ARID4A: variants seen among roughly 807,000 people sequenced by gnomAD.
The protein encoded by ARID4A is AT-rich interactive domain-containing protein 4A.
ARID4A carries 39 observed loss-of-function variants against 148.6 expected under a neutral mutation model. That is an observed-to-expected ratio of 0.26 (90% CI 0.20 to 0.34). ARID4A has a LOEUF of 0.34. ARID4A is among the 10% of genes least tolerant of loss of function. ARID4A has a pLI of 1.00. For missense variants in ARID4A, 1,265 were observed against 1,449.1 expected, an observed-to-expected ratio of 0.87 and a Z score of 2.06; for synonymous variants, 475 against 481.2, an observed-to-expected ratio of 0.99 and a Z score of 0.17.
chr14:58,326,292 C>T (rs1446108302), intron 8 of ARID4A, among the ~76,000 whole-genome samples: 1 of 152,114 alleles, frequency 6.6e-6, no homozygotes, highest in African/African-American at 2.4e-5. Flanking sequence ...AAAAAATTAG[C>T]CAGGCGTGGT....
At chr14:58,370,520 C>T (rs932986809) in intron 23 of ARID4A, among the ~76,000 whole-genome samples, 4 of 152,168 alleles carry the variant, frequency 2.6e-5, no homozygotes, top group Non-Finnish European at 4.4e-5. Context: ...TGGTCTCCAA[C>T]TCCTGATCCC....
intron 5 of ARID4A, among the ~76,000 whole-genome samples, chr14:58,318,076 G>A (rs1463984418): frequency 6.6e-6 from 1 of 152,162 alleles, no homozygotes; most frequent in East Asian, 1.9e-4. Context: ...TACATGTGTA[G>A]TAGGTTATCA....
At chr14:58,306,390 G>A (rs982521635) in intron 5 of ARID4A, among the ~76,000 whole-genome samples, 1 of 152,114 alleles carries the variant, frequency 6.6e-6, no homozygotes, top group African/African-American at 2.4e-5. Flanking sequence ...ACATGATTGT[G>A]ATCACTTTTT....
At chr14:58,361,697 T>C (rs2035139849) in intron 19 of ARID4A, among the ~76,000 whole-genome samples, 1 of 152,168 alleles carries the variant, frequency 6.6e-6, no homozygotes, top group Admixed American at 6.5e-5. Context: ...TACGATGCTG[T>C]GTTTTCATTA....
chr14:58,319,201 A>G (rs2032679272), intron 7 of ARID4A, among the ~76,000 whole-genome samples: 1 of 150,642 alleles, frequency 6.6e-6, no homozygotes, highest in South Asian at 2.1e-4. Context: ...CTGGGACTAC[A>G]GGCATGTGCC....
intron 2 of ARID4A, 96 bp downstream of exon 2, chr14:58,299,956 T>G (rs2030997010): frequency 1.3e-6 from 2 of 1,545,256 alleles, no homozygotes; most frequent in Admixed American, 3.3e-5. Context: ...CTACTCAAAA[T>G]TGATGTTCCT....
chr14:58,328,733 G>A (rs1239419083), intron 9 of ARID4A, among the ~76,000 whole-genome samples: 2 of 151,998 alleles, frequency 1.3e-5, no homozygotes, highest in African/African-American at 2.4e-5. Context: ...AGTTGCTGAC[G>A]CCTGTAATCC....
Position 58,317,387 on chromosome 14 carries a change from C to G in ARID4A, c.275-1155C>G, listed in dbSNP as rs550984275. 4.1e-5 allele frequency among the ~76,000 whole-genome samples: 6 copies of G among 147,814 alleles called. No individual in the cohort carries two copies. The South Asian group carries it at 1.3e-3, about 32-fold the overall frequency. On this transcript the variant is annotated intron_variant, in intron 5 of 23. Coordinates refer to ENST00000355431, the MANE Select transcript of ARID4A (RefSeq NM_002892.4). The stretch of plus-strand genomic sequence containing the variant: ...GCAAGCTCCGCCTCCTGGGTTCACG[C>G]CATTCTCCCGCCTCAGCCTCCCGAG...
Position 58,330,051 on chromosome 14 carries a change from A to G in ARID4A, c.788A>G (p.Asn263Ser). 2 of 1,612,580 alleles carry G rather than the reference A, an allele frequency of 1.2e-6. No individual in the cohort carries two copies. The highest frequency in any genetic ancestry group is 2.2e-5 in the South Asian group (2 of 90,706). ...TTAAAAACTAGAGTTGTTCCTGATAATTGGAAAATGGATATAAGTGAAATC... is the reference window on the plus strand; with the variant it reads ...TTAAAAACTAGAGTTGTTCCTGATAGTTGGAAAATGGATATAAGTGAAATC... Reference protein sequence around the residue: ...IFLKTRVVPDNWKMDISEILE... With the variant: ...IFLKTRVVPDSWKMDISEILE... The change falls in exon 11 of 24, where the codon AAT becomes AGT. Residue 263 changes from asparagine to serine, a missense_variant. Transcript: ENST00000355431.
At position 58,364,980 on chromosome 14, in the gene ARID4A, T is replaced by C. The variant is rs1270580926; in HGVS notation, c.2891T>C (p.Leu964Ser). The part of the protein sequence containing the change: ...PETLVCHEVD[L>S]DDLDEKDKTS... ...ACCTTGGTTTGCCATGAAGTAGATT[T>C]GGATGATTTGGATGAAAAGGATAAG... The change falls in exon 20 of 24, where the codon TTG (leucine) becomes TCG (serine). Residue 964 changes from leucine to serine, a missense_variant. Physicochemically the swap from Leu to Ser is moderately radical, Grantham distance 145 (BLOSUM62 -2). Coordinates refer to ENST00000355431, the MANE Select transcript of ARID4A (RefSeq NM_002892.4). The C allele has an allele frequency of 6.2e-7, 1 of 1,613,932 alleles. No homozygotes were observed. Among genetic ancestry groups the C allele is most frequent in the African/African-American group, 1.3e-5 (1 of 74,890 alleles).
At position 58,353,699 on chromosome 14, in the gene ARID4A, A is replaced by T; in HGVS notation, c.1697A>T (p.Asp566Val). 1 of 1,614,090 alleles carries T rather than the reference A, an allele frequency of 6.2e-7. No homozygotes were observed. Among genetic ancestry groups the T allele is most frequent in the Non-Finnish European group, 8.5e-7 (1 of 1,179,986 alleles). The change falls in exon 17 of 24, where the codon GAT (aspartate) becomes GTT (valine). Residue 566 changes from aspartate to valine, a missense_variant. Asp to Val is a radical substitution (Grantham distance 152, BLOSUM62 -3). Coordinates refer to ENST00000355431, the MANE Select transcript of ARID4A (RefSeq NM_002892.4). ...ESKCDSEGEE[D>V]EEDMEPCLTG... ...AAATGTGACTCTGAAGGAGAGGAAG[A>T]TGAGGAAGACATGGAACCCTGCCTA...
Position 58,364,625 on chromosome 14 carries a change from A to G in ARID4A, c.2536A>G (p.Ile846Val). The change falls in exon 20 of 24, where the codon ATT becomes GTT. Residue 846 changes from isoleucine (I) to valine (V), a missense_variant. Coordinates refer to ENST00000355431, the MANE Select transcript of ARID4A (RefSeq NM_002892.4). ...KNFSSATEDEIDQCVKEKKLK... is the reference protein window; with the variant it reads ...KNFSSATEDEVDQCVKEKKLK... The stretch of plus-strand genomic sequence containing the variant: ...CTTTTCTTCTGCTACAGAAGATGAA[A>G]TTGACCAATGTGTGAAAGAAAAGAA... 2 of 1,613,892 alleles carry G rather than the reference A, an allele frequency of 1.2e-6. No homozygotes were observed. The highest frequency in any genetic ancestry group is 2.2e-5 in the South Asian group (2 of 91,034).
In ARID4A at chr14:58,347,801, G is replaced by A. The variant is rs563125826; in HGVS notation, c.1327G>A (p.Val443Met). The change falls in exon 15 of 24, where the codon GTG becomes ATG. Residue 443 changes from valine (V) to methionine (M), a missense_variant. Physicochemically the swap from Val to Met is conservative, Grantham distance 21. Around this residue, in one of 9 missense-constraint regions of ARID4A, gnomAD observed 205 missense variants for 196.9 expected, o/e 1.04. Coordinates refer to ENST00000355431, the MANE Select transcript of ARID4A (RefSeq NM_002892.4). The stretch of plus-strand genomic sequence containing the variant: ...AGATCAAGAAATGCCTTTAACAGAA[G>A]TGAAGAGTGAACCTGAGGAAAATAT... ...KLDQEMPLTE[V>M]KSEPEENIDS... is the part of the protein sequence containing the mutation. The A allele has an allele frequency of 6.2e-7, 1 of 1,613,876 alleles. No individual in the cohort carries two copies. Among genetic ancestry groups the A allele is most frequent in the East Asian group, 2.2e-5 (1 of 44,822 alleles).
chr14:58,348,860 T>TA (rs2034498995), intron 15 of ARID4A, among the ~76,000 whole-genome samples: 2 of 152,236 alleles, frequency 1.3e-5, no homozygotes, highest in Admixed American at 6.5e-5. Flanking sequence ...GGTAAGTACA[T>TA]ATAACATAAA....
chr14:58,352,180 C>G (rs2034669549), intron 16 of ARID4A, among the ~76,000 whole-genome samples: 1 of 152,088 alleles, frequency 6.6e-6, no homozygotes. Flanking sequence ...TTTGGGAAAA[C>G]TGACCTGCCA....
At position 58,319,133 on chromosome 14, in the gene ARID4A, C is replaced by T. The variant is rs2032672124; in HGVS notation, c.449+328C>T. ...GGAGTGCAGTGGTGCAATCTCGGCT[C>T]ACTGCAACCTCCGCCTCCTGGGTTC... On this transcript the variant is annotated intron_variant, in intron 7 of 23. Transcript: ENST00000355431. Among the ~76,000 whole-genome samples the T allele has an allele frequency of 2.0e-5, 3 of 152,200 alleles. No homozygotes were observed. The South Asian group carries it at 6.2e-4, about 31-fold the overall frequency.
At chr14:58,349,012 C>G (rs1347771167) in intron 15 of ARID4A, among the ~76,000 whole-genome samples, 1 of 152,120 alleles carries the variant, frequency 6.6e-6, no homozygotes, top group Non-Finnish European at 1.5e-5. Context: ...AACAGTAACT[C>G]CTCATTCCTC....
chr14:58,365,313 TA>T lies in ARID4A; in HGVS notation c.3211+14del. On this transcript the variant is annotated intron_variant, in intron 20 of 23. Coordinates refer to ENST00000355431, the MANE Select transcript of ARID4A (RefSeq NM_002892.4). The stretch of plus-strand genomic sequence containing the variant: ...AGCAGAGAGAAGGGTAAGGACTTTC[TA>T]GGGAAAAGTAAGTGTTTATATGAAA... 1 of 1,590,566 alleles carries T rather than the reference TA, an allele frequency of 6.3e-7. No homozygotes were observed. Among genetic ancestry groups the T allele is most frequent in the South Asian group, 1.2e-5 (1 of 86,828 alleles).
intron 10 of ARID4A, 55 bp from the exon 11 acceptor site, chr14:58,329,948 A>G (rs1340592807): frequency 1.3e-6 from 2 of 1,543,038 alleles, no homozygotes; most frequent in Non-Finnish European, 1.7e-6. Context: ...TGCCTTTTCT[A>G]TTGTTCTATG....
Sources: allele counts gnomAD v4.1 joint callset (sites outside exome capture counted in the v4.1 genomes callset), GRCh38; gene constraint gnomAD v4.1.1; regional missense constraint gnomAD v4.1.1; transcripts MANE v1.5; gene names NCBI Gene and HGNC (gene_info 2026-07-23, HGNC 2026-07-21).